Variants in MTMR1 observed in about 807,000 individuals in gnomAD.
The protein encoded by MTMR1 is phosphatidylinositol-3-phosphate phosphatase MTMR1.
A neutral mutation model predicts 51.6 loss-of-function variants in MTMR1; 17 were observed. That is an observed-to-expected ratio of 0.33 (90% CI 0.23 to 0.49). MTMR1 has a LOEUF of 0.49. Among genes scored for constraint, MTMR1 ranks in the 20% least tolerant of loss-of-function variants. The pLI is 0.99. For synonymous variants in MTMR1, 201 were observed against 205.6 expected (o/e 0.98, Z 0.19); for missense variants, 386 against 526.9 (o/e 0.73, Z 2.62).
At chrX:150,719,515 G>A (rs782309645) in intron 4 of MTMR1, among the ~76,000 whole-genome samples, 1 of 111,313 alleles carries the variant, frequency 9.0e-6, no homozygotes, top group East Asian at 2.8e-4. Flanking sequence ...TGGGTTCTAG[G>A]ACTTCATTCT....
chrX:150,744,269 T>G (rs2148653578), intron 12 of MTMR1, 92 bp from the exon 13 acceptor site: 258 of 639,588 alleles, frequency 4.0e-4, no homozygotes, highest in Non-Finnish European at 5.6e-4. Context: ...TTAGGCCTGA[T>G]GAGATGTGAT....
intron 1 of MTMR1, among the ~76,000 whole-genome samples, chrX:150,697,870 A>G (rs781832453): frequency 1.1e-4 from 12 of 111,667 alleles, no homozygotes; most frequent in South Asian, 3.7e-4. Flanking sequence ...GTCAGTCGCT[A>G]TTGGTTGTTC....
chrX:150,759,380 A>G (rs1394569597), intron 15 of MTMR1, among the ~76,000 whole-genome samples: 2 of 112,179 alleles, frequency 1.8e-5, no homozygotes, highest in African/African-American at 3.2e-5. Context: ...ACCAGGTGAT[A>G]TTCTTGGTGA....
At chrX:150,699,694 G>T (rs1187581889) in intron 2 of MTMR1, among the ~76,000 whole-genome samples, 2 of 112,326 alleles carry the variant, frequency 1.8e-5, no homozygotes, top group African/African-American at 6.5e-5. Flanking sequence ...ATTAACATGT[G>T]ATACTAGAAT....
intron 2 of MTMR1, among the ~76,000 whole-genome samples, chrX:150,708,581 A>G (rs1320762613): frequency 6.3e-5 from 7 of 111,649 alleles, no homozygotes; most frequent in African/African-American, 2.0e-4. Context: ...GTTAACGACA[A>G]GATGATGCAG....
chrX:150,758,958 G>A (rs1232597086), intron 15 of MTMR1, among the ~76,000 whole-genome samples: 2 of 112,509 alleles, frequency 1.8e-5, no homozygotes, highest in African/African-American at 6.5e-5. Context: ...AAGGCGAGCT[G>A]TCTTTGAAAT....
intron 4 of MTMR1, among the ~76,000 whole-genome samples, chrX:150,726,306 T>C (rs1432563584): frequency 3.6e-5 from 4 of 111,614 alleles, no homozygotes; most frequent in Non-Finnish European, 7.5e-5. Flanking sequence ...TCTGCCCTGG[T>C]CCATGGAACA....
chrX:150,700,074 T>C (rs1287627238), intron 2 of MTMR1, among the ~76,000 whole-genome samples: 1 of 112,465 alleles, frequency 8.9e-6, no homozygotes, highest in African/African-American at 3.2e-5. Flanking sequence ...TTGAGGTTTC[T>C]GTTTATTAGT....
rs782165251 is a variant in MTMR1, at chrX:150,699,281, A to G, written c.233A>G (p.Asn78Ser). The G allele has an allele frequency of 2.4e-5, 28 of 1,191,105 alleles. No homozygotes were observed. The East Asian group carries it at 7.8e-4, about 33-fold the overall frequency. Residue 78 changes from asparagine (N) to serine (S), a missense_variant, in exon 2 of 16, where the codon AAT (asparagine) becomes AGT (serine). By Grantham distance (46) the Asn-to-Ser change is conservative. Coordinates refer to ENST00000445323, the MANE Select transcript of MTMR1 (RefSeq NM_001306144.3). Reference sequence around the variant, plus strand: ...ATTTCAGGTTCAGTGACATCAGAAAATGTGTCCAGAGATTACAAGGTAAGC... The same window carrying G: ...ATTTCAGGTTCAGTGACATCAGAAAGTGTGTCCAGAGATTACAAGGTAAGC... ...SQISGSVTSE[N>S]VSRDYKVFRR...
chrX:150,738,983 G>C (rs1360051211), intron 12 of MTMR1, among the ~76,000 whole-genome samples: 9 of 112,257 alleles, frequency 8.0e-5, no homozygotes, highest in Non-Finnish European at 1.9e-5. Context: ...AGCTGTTAGG[G>C]ATCTTTCTGA....
In MTMR1 at chrX:150,762,984, G is replaced by A. The variant is rs1020293842; in HGVS notation, c.*255G>A. The A allele has an allele frequency of 9.5e-6, 3 of 316,999 alleles. No homozygotes were observed. Among genetic ancestry groups the A allele is most frequent in the East Asian group, 5.2e-5 (1 of 19,375 alleles). 26.1% of individuals were successfully genotyped at this position (316,999 alleles called of 1,213,427 possible). On this transcript the variant is annotated 3_prime_UTR_variant, in exon 16 of 16. Coordinates refer to ENST00000445323, the MANE Select transcript of MTMR1 (RefSeq NM_001306144.3). ...GCAGCTTGGGAGAAACTAAGTGAAC[G>A]GAATGCAGTACTGAGGTTCAAGAAA...
In MTMR1 at chrX:150,762,838, AG is replaced by A; in HGVS notation, c.*112del. On this transcript the variant is annotated 3_prime_UTR_variant, in exon 16 of 16. Transcript: ENST00000445323. Reference sequence around the variant, plus strand: ...GATCTTGTCTTTTAGGATTAGGCCCAGGGACCATTTGTGTGGCTAGGTGACA... The same window carrying A: ...GATCTTGTCTTTTAGGATTAGGCCCAGGACCATTTGTGTGGCTAGGTGACA... The A allele has an allele frequency of 1.1e-6, 1 of 905,988 alleles. No homozygotes were observed. The highest frequency in any genetic ancestry group is 1.4e-6 in the Non-Finnish European group (1 of 693,040). The allele number at this position is 905,988 out of a possible 1,213,427, so 74.7% of individuals were successfully genotyped here.
At position 150,742,834 on chromosome X, in the gene MTMR1, A is replaced by G. The variant is rs555878832; in HGVS notation, c.1474-1527A>G. Reference sequence around the variant, plus strand: ...TCCATCTCAAAAAAAAAAAAAAAAAAAAAGAAAGAAAGAAAGAAATCATGC... The same window carrying G: ...TCCATCTCAAAAAAAAAAAAAAAAAGAAAGAAAGAAAGAAAGAAATCATGC... On this transcript the variant is annotated intron_variant, in intron 12 of 15. Coordinates refer to ENST00000445323, the MANE Select transcript of MTMR1 (RefSeq NM_001306144.3). Among the ~76,000 whole-genome samples the G allele has an allele frequency of 1.8e-3, 184 of 101,845 alleles. 1 individual carries two copies. Among genetic ancestry groups the G allele is most frequent in the Middle Eastern group, 5.1e-3 (1 of 197 alleles). The allele number at this position is 101,845 out of a possible 115,157, so 88.4% of individuals were successfully genotyped here.
At chrX:150,742,868 A>G (rs905393373) in intron 12 of MTMR1, among the ~76,000 whole-genome samples, 15 of 109,775 alleles carry the variant, frequency 1.4e-4, no homozygotes, top group African/African-American at 5.0e-4. Flanking sequence ...GCTCAGCAAA[A>G]TAAGCTAGCC....
chrX:150,756,550 A>G (rs894835675), intron 15 of MTMR1, among the ~76,000 whole-genome samples: 2 of 111,300 alleles, frequency 1.8e-5, no homozygotes, highest in African/African-American at 6.6e-5. Flanking sequence ...CAGTCTCCAC[A>G]TGGGTGGCCA....
At chrX:150,747,717 T>C (rs1362430742) in intron 13 of MTMR1, among the ~76,000 whole-genome samples, 1 of 111,125 alleles carries the variant, frequency 9.0e-6, no homozygotes, top group African/African-American at 3.3e-5. Flanking sequence ...AGGTGGAGCC[T>C]TTGTTTTCCA....
chrX:150,726,132 A>G, intron 4 of MTMR1, among the ~76,000 whole-genome samples: 1 of 111,536 alleles, frequency 9.0e-6, no homozygotes, highest in East Asian at 2.8e-4. Flanking sequence ...TTATCGCCTG[A>G]GCTCCGTCTC....
intron 4 of MTMR1, among the ~76,000 whole-genome samples, chrX:150,722,384 T>C (rs1469508723): frequency 1.8e-5 from 2 of 112,118 alleles, no homozygotes; most frequent in Non-Finnish European, 3.8e-5. Context: ...TAGTTTTGCT[T>C]TATGTATTTT....
chrX:150,704,959 TTGCTTCAATAAGCAATTGCAGGTA>T, intron 2 of MTMR1, among the ~76,000 whole-genome samples: 1 of 109,865 alleles, frequency 9.1e-6, no homozygotes, highest in Non-Finnish European at 1.9e-5. Flanking sequence ...CCTCATAAAA[TTGCTTCAATAAGCAATTGCAGGTA>T]TGCTTGAAAC....
Sources: gnomAD v4.1 joint callset for allele counts (sites outside exome capture counted in the v4.1 genomes callset) on GRCh38, gnomAD v4.1.1 for gene constraint, MANE v1.5 for transcripts, NCBI Gene and HGNC (gene_info 2026-07-23, HGNC 2026-07-21) for gene names.